The following LRGUK variants were observed in gnomAD, a reference collection of about 807,000 sequenced individuals.
The protein encoded by LRGUK is leucine-rich repeat and guanylate kinase domain-containing protein.
A neutral mutation model predicts 76.0 loss-of-function variants in LRGUK; 65 were observed. The ratio of observed to expected loss-of-function variants is 0.85; its 90% CI spans 0.70 to 1.05. The LOEUF (loss-of-function observed/expected upper bound fraction) is 1.05, where lower values mean the gene tolerates loss of function less well. Ranked by LOEUF, LRGUK falls within the 50% of genes least tolerant of loss-of-function variation. LRGUK has a pLI of 0.00. For synonymous variants in LRGUK, 268 were observed against 265.6 expected, an observed-to-expected ratio of 1.01 and a Z score of -0.09; for missense variants, 758 against 732.8, an observed-to-expected ratio of 1.03 and a Z score of -0.40.
chr7:134,179,999 G>A (rs1418256821), intron 10 of LRGUK, among the ~76,000 whole-genome samples: 1 of 152,142 alleles, frequency 6.6e-6, no homozygotes, highest in Non-Finnish European at 1.5e-5. Flanking sequence ...TGGTATAATT[G>A]GGGTGAGGAT....
intron 7 of LRGUK, among the ~76,000 whole-genome samples, chr7:134,165,242 C>T (rs1798921731): frequency 1.3e-5 from 2 of 151,946 alleles, no homozygotes; most frequent in East Asian, 3.8e-4. Flanking sequence ...TCATGTAATC[C>T]TTATTATAAC....
intron 1 of LRGUK, 41 bp from the exon 2 acceptor site, chr7:134,136,982 T>A (rs1797565993): frequency 1.4e-6 from 2 of 1,418,802 alleles, no homozygotes; most frequent in Admixed American, 1.8e-5. Context: ...TCTTTTCTAA[T>A]GAGAATCTTT....
intron 16 of LRGUK, among the ~76,000 whole-genome samples, chr7:134,224,967 G>A (rs1358590744): frequency 1.3e-5 from 2 of 151,632 alleles, no homozygotes; most frequent in Admixed American, 1.3e-4. Flanking sequence ...CAGGAGAATC[G>A]CTTGAACCAG....
At chr7:134,182,780 T>G (rs1039581821) in intron 10 of LRGUK, among the ~76,000 whole-genome samples, 2 of 152,200 alleles carry the variant, frequency 1.3e-5, no homozygotes, top group African/African-American at 4.8e-5. Flanking sequence ...ATGATTTTTT[T>G]GAGACAGTTT....
chr7:134,239,423 G>T (rs1051492462), intron 16 of LRGUK, among the ~76,000 whole-genome samples: 2 of 152,206 alleles, frequency 1.3e-5, no homozygotes, highest in Non-Finnish European at 2.9e-5. Flanking sequence ...GGCTCGGAGG[G>T]TCCCACACCC....
At chr7:134,134,296 T>C (rs772920553) in intron 1 of LRGUK, among the ~76,000 whole-genome samples, 6 of 152,106 alleles carry the variant, frequency 3.9e-5, no homozygotes, top group African/African-American at 1.4e-4. Context: ...CAGTTTAGCA[T>C]GATGACTAGG....
chr7:134,194,668 G>A (rs1372451497), intron 12 of LRGUK, among the ~76,000 whole-genome samples: 2 of 152,174 alleles, frequency 1.3e-5, no homozygotes, highest in South Asian at 2.1e-4. Context: ...TTGAGCCCAG[G>A]AGGTCAAGGC....
chr7:134,212,238 A>G (rs1200725297), downstream of LRGUK, among the ~76,000 whole-genome samples: 1 of 152,246 alleles, frequency 6.6e-6, no homozygotes. Context: ...ACCTTCAGAC[A>G]TACCTATTGA....
intron 7 of LRGUK, among the ~76,000 whole-genome samples, chr7:134,166,120 G>A (rs940259226): frequency 1.3e-5 from 2 of 152,028 alleles, no homozygotes; most frequent in Admixed American, 6.5e-5. Flanking sequence ...CGAGAATACT[G>A]TGTATCTCGG....
intron 16 of LRGUK, among the ~76,000 whole-genome samples, chr7:134,242,387 C>G (rs1802183356): frequency 1.3e-5 from 2 of 152,270 alleles, no homozygotes; most frequent in Admixed American, 1.3e-4. Flanking sequence ...ATGGATCCCA[C>G]AGAAATACAA....
chr7:134,221,081 A>T (rs1489011733), intron 15 of LRGUK, among the ~76,000 whole-genome samples: 1 of 152,164 alleles, frequency 6.6e-6, no homozygotes, highest in East Asian at 1.9e-4. Context: ...TTTATGTTAT[A>T]TATTAGTATT....
chr7:134,249,241 C>T (rs1471022271), intron 18 of LRGUK, among the ~76,000 whole-genome samples, 165 bp downstream of exon 18: 1 of 151,982 alleles, frequency 6.6e-6, no homozygotes, highest in African/African-American at 2.4e-5. Flanking sequence ...TATGGAGGGC[C>T]CAGGCATATA....
At chr7:134,152,177 G>T (rs1798248093) in intron 5 of LRGUK, among the ~76,000 whole-genome samples, 1 of 152,028 alleles carries the variant, frequency 6.6e-6, no homozygotes, top group Admixed American at 6.5e-5. Flanking sequence ...ATAGTTTTGA[G>T]AGTTCAACAT....
intron 15 of LRGUK, among the ~76,000 whole-genome samples, chr7:134,217,544 T>C (rs1006017594): frequency 6.6e-6 from 1 of 152,174 alleles, no homozygotes; most frequent in African/African-American, 2.4e-5. Context: ...TATTTTGCTA[T>C]GGAAATTATC....
rs761319447 is a variant in LRGUK, at chr7:134,127,535, A to C, written c.168A>C (p.Ile56=). The C allele has an allele frequency of 6.2e-6, 10 of 1,614,020 alleles. No homozygotes were observed. In the South Asian group the frequency reaches 9.9e-5, roughly 16 times the overall value. Residue 56 remains isoleucine (I), a synonymous_variant, in exon 1 of 16, where the codon ATA becomes ATC. Transcript: ENST00000645682. The stretch of plus-strand genomic sequence containing the variant: ...AGAAGACGAAAGGCAGCTCTAACAT[A>C]GCCTCCTCCTACCTGCTCCAGCAGC...
Position 134,137,099 on chromosome 7 carries a change from C to CTG in LRGUK, c.375_376dup (p.Glu126ValfsTer8), listed in dbSNP as rs1797571599. ...CACTTGGGGCGCTCAGGCTCTGGGA[C>CTG]TGAGCAAGTCTACCTCAATCTAACT... On this transcript the variant is annotated frameshift_variant, in exon 2 of 16. Transcript: ENST00000645682. LOFTEE classifies it high-confidence loss of function. 6.2e-7 allele frequency: 1 copy of CTG among 1,612,628 alleles called. No individual in the cohort carries two copies. The highest frequency in any genetic ancestry group is 8.5e-7 in the Non-Finnish European group (1 of 1,179,548).
chr7:134,260,204 A>G (rs947082326), intron 19 of LRGUK, among the ~76,000 whole-genome samples: 18 of 151,964 alleles, frequency 1.2e-4, no homozygotes, highest in African/African-American at 4.4e-4. Flanking sequence ...TATGATTGTA[A>G]CATATATATG....
At chr7:134,137,055 T>C in exon 2 of LRGUK, 6 of 1,613,698 alleles carry the variant, frequency 3.7e-6, no homozygotes, top group Non-Finnish European at 5.1e-6. Flanking sequence ...GAGAGGAGGC[T>C]GTGGCCAAAG....
chr7:134,244,206 T>A (rs1361839288), intron 16 of LRGUK, among the ~76,000 whole-genome samples: 1 of 152,102 alleles, frequency 6.6e-6, no homozygotes, highest in Non-Finnish European at 1.5e-5. Context: ...ACAAATGGGA[T>A]ATAATTAAAC....
Sources: allele counts gnomAD v4.1 joint callset (sites outside exome capture counted in the v4.1 genomes callset), GRCh38; gene constraint gnomAD v4.1.1; transcripts MANE v1.5; gene names NCBI Gene and HGNC (gene_info 2026-07-23, HGNC 2026-07-21).